The following TENM1 variants were observed in gnomAD, a reference collection of about 807,000 sequenced individuals.
TENM1 encodes the protein teneurin-1.
Under a neutral mutation model 174.8 loss-of-function variants are expected in TENM1, and 35 were observed. The ratio of observed to expected loss-of-function variants is 0.20; its 90% CI spans 0.15 to 0.27. The LOEUF is 0.27. Ranked by LOEUF, TENM1 falls within the 10% of genes least tolerant of loss-of-function variation. The pLI is 1.00. For synonymous variants in TENM1, 781 were observed against 798.7 expected, an observed-to-expected ratio of 0.98 and a Z score of 0.37; for missense variants, 1,633 against 2,130.1, an observed-to-expected ratio of 0.77 and a Z score of 4.59.
At chrX:124,584,318 C>A (rs1602716317) in intron 11 of TENM1, among the ~76,000 whole-genome samples, 2 of 110,169 alleles carry the variant, frequency 1.8e-5, no homozygotes, top group East Asian at 5.7e-4. Context: ...GGAAGCCCAT[C>A]AGACTAACAG....
intron 11 of TENM1, among the ~76,000 whole-genome samples, chrX:124,622,539 C>T (rs1350829629): frequency 8.9e-6 from 1 of 112,337 alleles, no homozygotes; most frequent in Non-Finnish European, 1.9e-5. Context: ...CATATGTTTT[C>T]TTTTCATTGA....
At chrX:125,155,532 G>A in the TENM1 span, among the ~76,000 whole-genome samples, 1 of 109,679 alleles carries the variant, frequency 9.1e-6, no homozygotes, top group Non-Finnish European at 1.9e-5. Context: ...GGCGCTCGTC[G>A]GGGAGACTCG....
At chrX:124,382,965 T>TTTATTTAC (rs2147576532) in intron 30 of TENM1, among the ~76,000 whole-genome samples, 153 bp from the exon 34 acceptor site, 1 of 108,779 alleles carries the variant, frequency 9.2e-6, no homozygotes, top group Non-Finnish European at 1.9e-5. Flanking sequence ...TATTTATTTA[T>TTTATTTAC]TTATTTATTT....
chrX:124,872,279 A>G (rs1269755348), intron 3 of TENM1, among the ~76,000 whole-genome samples: 1 of 111,622 alleles, frequency 9.0e-6, no homozygotes, highest in African/African-American at 3.3e-5. Context: ...AAATTCTTGG[A>G]TTATTTCACA....
chrX:124,422,592 T>C, exon 24 of TENM1: 3 of 1,210,611 alleles, frequency 2.5e-6, no homozygotes, highest in Non-Finnish European at 3.4e-6. Flanking sequence ...ATACAATGAA[T>C]TGTCCATAGG....
intron 15 of TENM1, among the ~76,000 whole-genome samples, chrX:124,532,000 G>T (rs1459750006): frequency 4.5e-5 from 5 of 111,895 alleles, no homozygotes; most frequent in African/African-American, 1.6e-4. Context: ...TTCCAGGGGG[G>T]CTGTGAAGAG....
At chrX:124,916,815 C>T (rs2057933688) in intron 1 of TENM1, among the ~76,000 whole-genome samples, 1 of 108,965 alleles carries the variant, frequency 9.2e-6, no homozygotes, top group African/African-American at 3.4e-5. Flanking sequence ...TCTACCTTTC[C>T]ACTCCTCATC....
chrX:125,086,891 G>A, the TENM1 span, among the ~76,000 whole-genome samples: 1 of 111,249 alleles, frequency 9.0e-6, no homozygotes, highest in Non-Finnish European at 1.9e-5. Flanking sequence ...CAGGAAGAAA[G>A]AAAGTCGCTA....
chrX:124,862,899 T>C (rs1393800927), intron 3 of TENM1, among the ~76,000 whole-genome samples: 2 of 106,704 alleles, frequency 1.9e-5, no homozygotes, highest in Non-Finnish European at 3.9e-5. Context: ...GAGGCAATAA[T>C]GAAGAGGCCT....
At chrX:124,621,785 A>C (rs2050526442) in intron 11 of TENM1, among the ~76,000 whole-genome samples, 1 of 111,912 alleles carries the variant, frequency 8.9e-6, no homozygotes, top group Non-Finnish European at 1.9e-5. Context: ...TCATGTAGGG[A>C]AAGCTGGTGG....
At chrX:124,865,053 C>T (rs1269491348) in intron 3 of TENM1, among the ~76,000 whole-genome samples, 1 of 111,097 alleles carries the variant, frequency 9.0e-6, no homozygotes, top group East Asian at 2.8e-4. Flanking sequence ...AAAGGCTTCC[C>T]CAGACTAACA....
At chrX:124,621,994 TATTTA>T (rs780849478) in intron 11 of TENM1, among the ~76,000 whole-genome samples, 38 of 112,257 alleles carry the variant, frequency 3.4e-4, no homozygotes, top group Non-Finnish European at 6.2e-4. Flanking sequence ...ACATACCTCT[TATTTA>T]ATTTTGTCCT....
chrX:124,468,886 T>C (rs1751509611), intron 22 of TENM1, among the ~76,000 whole-genome samples: 2 of 112,386 alleles, frequency 1.8e-5, no homozygotes, highest in African/African-American at 6.5e-5. Flanking sequence ...CTATTAATGG[T>C]TTTACATGTA....
chrX:124,550,021 AG>A (rs1182626188), intron 14 of TENM1, among the ~76,000 whole-genome samples: 1 of 109,634 alleles, frequency 9.1e-6, no homozygotes, highest in East Asian at 2.8e-4. Flanking sequence ...TTTTACTTTT[AG>A]GGCCTGTTCT....
At chrX:125,059,405 T>C in the TENM1 span, among the ~76,000 whole-genome samples, 55 of 111,644 alleles carry the variant, frequency 4.9e-4, 1 homozygote, top group East Asian at 7.1e-3. Context: ...GCAAAGCAAA[T>C]TGACATATCT....
intron 1 of TENM1, among the ~76,000 whole-genome samples, chrX:124,956,083 C>T (rs756769117): frequency 5.4e-5 from 6 of 111,871 alleles, no homozygotes; most frequent in Non-Finnish European, 1.1e-4. Context: ...GCCTTACTTC[C>T]GGTCTGTTGT....
intron 23 of TENM1, among the ~76,000 whole-genome samples, chrX:124,438,665 G>A (rs1003136237): frequency 1.8e-5 from 2 of 111,583 alleles, no homozygotes; most frequent in East Asian, 5.6e-4. Context: ...TTATTTTAAG[G>A]CCCCTGACAA....
the TENM1 span, among the ~76,000 whole-genome samples, chrX:125,178,207 C>A: frequency 1.8e-5 from 2 of 111,155 alleles, no homozygotes; most frequent in Non-Finnish European, 3.8e-5. Context: ...TATTTTTGCT[C>A]CCCATATTAA....
chrX:124,443,999 A>T (rs1569531918), intron 23 of TENM1, among the ~76,000 whole-genome samples: 1 of 112,516 alleles, frequency 8.9e-6, no homozygotes, highest in Admixed American at 9.4e-5. Flanking sequence ...CTTTTTAAAA[A>T]GCTGGTCATA....
Sources: allele counts gnomAD v4.1 joint callset (sites outside exome capture counted in the v4.1 genomes callset), GRCh38; gene constraint gnomAD v4.1.1; transcripts MANE v1.5; gene names NCBI Gene and HGNC (gene_info 2026-07-23, HGNC 2026-07-21).